Variants in UHRF2 observed in about 807,000 individuals in gnomAD.
The protein encoded by UHRF2 is ubiquitin like with PHD and ring finger domains 2.
UHRF2 carries 23 observed loss-of-function variants against 96.8 expected under a neutral mutation model. The observed-to-expected ratio is 0.24, with a 90% confidence interval of 0.17 to 0.34. The LOEUF (loss-of-function observed/expected upper bound fraction) is 0.34, where lower values mean the gene tolerates loss of function less well. Among genes scored for constraint, UHRF2 ranks in the 10% least tolerant of loss-of-function variants. The probability of loss-of-function intolerance (pLI) is 1.00; values close to 1 mark genes in which losing one functional copy is unlikely to be tolerated. For missense variants in UHRF2, 685 were observed against 981.5 expected (o/e 0.70, Z 4.04); for synonymous variants, 385 against 332.6 (o/e 1.16, Z -1.72).
chr9:6,444,648 C>G (rs538272248), intron 3 of UHRF2, among the ~76,000 whole-genome samples: 11 of 152,224 alleles, frequency 7.2e-5, no homozygotes, highest in African/African-American at 2.6e-4. Flanking sequence ...GTTGCTTAGG[C>G]TGGAGTACAA....
At chr9:6,480,743 A>G (rs1216953401) in intron 6 of UHRF2, among the ~76,000 whole-genome samples, 1 of 152,176 alleles carries the variant, frequency 6.6e-6, no homozygotes, top group Admixed American at 6.5e-5. Context: ...TGATTTCCCA[A>G]CTAGAAAGGA....
intron 3 of UHRF2, among the ~76,000 whole-genome samples, chr9:6,444,682 ACCTCCC>A (rs1299997353): frequency 1.3e-5 from 2 of 150,772 alleles, no homozygotes; most frequent in African/African-American, 4.9e-5. Context: ...GCTCACTGCA[ACCTCCC>A]CCTCCAGGGT....
chr9:6,460,519 A>T, intron 3 of UHRF2, 54 bp from the exon 4 acceptor site: 1 of 1,471,440 alleles, frequency 6.8e-7, no homozygotes, highest in Non-Finnish European at 9.2e-7. Context: ...TACATTGCAT[A>T]AAACTTTAGT....
intron 1 of UHRF2, among the ~76,000 whole-genome samples, chr9:6,416,897 C>A (rs1819642035): frequency 6.6e-6 from 1 of 152,104 alleles, no homozygotes; most frequent in Non-Finnish European, 1.5e-5. Flanking sequence ...CACTCCTTAC[C>A]ACTATAGAGG....
At chr9:6,443,719 C>T (rs1821325727) in intron 3 of UHRF2, among the ~76,000 whole-genome samples, 1 of 152,114 alleles carries the variant, frequency 6.6e-6, no homozygotes, top group African/African-American at 2.4e-5. Flanking sequence ...CAAATAGGTT[C>T]AACTGTTACT....
chr9:6,486,932 CATT>C lies in UHRF2; in HGVS notation c.1497+10_1497+12del. 2 of 1,613,250 alleles carry C rather than the reference CATT, an allele frequency of 1.2e-6. No homozygotes were observed. The highest frequency in any genetic ancestry group is 1.7e-6 in the Non-Finnish European group (2 of 1,179,436). On this transcript the variant is annotated splice_region_variant and intron_variant, in intron 9 of 15. Transcript: ENST00000276893. The stretch of plus-strand genomic sequence containing the variant: ...TGGATTTGCGGATGAAGTCGTAAGT[CATT>C]ATACAACCTTACTCATTAGTACCTG...
At chr9:6,493,984 A>G (rs758887101) in intron 10 of UHRF2, 52 bp downstream of exon 10, 1 of 1,498,544 alleles carries the variant, frequency 6.7e-7, no homozygotes, top group Non-Finnish European at 9.1e-7. Flanking sequence ...AAGTTTCATT[A>G]TAGGACTGTA....
At chr9:6,483,105 C>T (rs910822121) in intron 8 of UHRF2, among the ~76,000 whole-genome samples, 3 of 151,962 alleles carry the variant, frequency 2.0e-5, no homozygotes, top group East Asian at 1.9e-4. Flanking sequence ...GCAGCCAGAT[C>T]GCTTGAGGCC....
chr9:6,506,312 G>C lies in UHRF2; in HGVS notation c.*133G>C, dbSNP rs1453855923. Reference sequence around the variant, plus strand: ...AGCAGCTAATCCTCTTTCCCACATAGCCATCATCTTGTGTGTGTAGTAAGA... The same window carrying C: ...AGCAGCTAATCCTCTTTCCCACATACCCATCATCTTGTGTGTGTAGTAAGA... On this transcript the variant is annotated 3_prime_UTR_variant, in exon 16 of 16. Coordinates refer to ENST00000276893, the MANE Select transcript of UHRF2 (RefSeq NM_152896.3). 8.5e-7 allele frequency: 1 copy of C among 1,178,928 alleles called. No individual in the cohort carries two copies. Among genetic ancestry groups the C allele is most frequent in the Non-Finnish European group, 1.2e-6 (1 of 851,218 alleles). 73.0% of individuals were successfully genotyped at this position (1,178,928 alleles called of 1,614,324 possible). A position where few individuals can be genotyped will look rare whatever the true frequency, so the allele number is the denominator to read the frequency against.
intron 3 of UHRF2, among the ~76,000 whole-genome samples, chr9:6,444,784 G>A (rs1821388872): frequency 6.6e-6 from 1 of 152,168 alleles, no homozygotes; most frequent in South Asian, 2.1e-4. Flanking sequence ...TGTATTTTTA[G>A]TAGAGACAGG....
chr9:6,495,440 C>T (rs912440292), intron 10 of UHRF2: 1 of 152,208 alleles, frequency 6.6e-6, no homozygotes, highest in African/African-American at 2.4e-5. Context: ...GTCTTACAAA[C>T]ATGAAAACTG....
At chr9:6,414,791 C>G (rs1388164610) in intron 1 of UHRF2, among the ~76,000 whole-genome samples, 1 of 152,198 alleles carries the variant, frequency 6.6e-6, no homozygotes. Context: ...ACAAATTACA[C>G]TTTGGGAAGG....
Position 6,413,455 on chromosome 9 carries a change from G to C in UHRF2, c.-36G>C. ...GGGCGCGGCGCCCAGAGCTCAGGGG[G>C]AGACAAAGGGGACCGGTTCCTCTCT... On this transcript the variant is annotated 5_prime_UTR_variant, in exon 1 of 16. Coordinates refer to ENST00000276893, the MANE Select transcript of UHRF2 (RefSeq NM_152896.3). The C allele has an allele frequency of 2.0e-6, 3 of 1,479,182 alleles. No homozygotes were observed. Among genetic ancestry groups the C allele is most frequent in the South Asian group, 2.6e-5 (2 of 76,220 alleles). 91.6% of individuals were successfully genotyped at this position (1,479,182 alleles called of 1,614,324 possible).
At chr9:6,445,131 A>T (rs943703378) in intron 3 of UHRF2, among the ~76,000 whole-genome samples, 5 of 23,560 alleles carry the variant, frequency 2.1e-4, no homozygotes, top group Non-Finnish European at 5.6e-4. Flanking sequence ...TCTCTTATTT[A>T]AAAAAAAAAA....
Position 6,460,748 on chromosome 9 carries a change from A to G in UHRF2, c.820A>G (p.Ile274Val). 1.2e-6 allele frequency: 2 copies of G among 1,613,794 alleles called. No homozygotes were observed. Among genetic ancestry groups the G allele is most frequent in the South Asian group, 1.1e-5 (1 of 91,008 alleles). ...FDAEITTLKT[I>V]SRTKKELRVK... ...TGCAGAAATTACCACATTGAAGACAATCTCAAGGACCAAAAAAGAACTTCG... is the reference window on the plus strand; with the variant it reads ...TGCAGAAATTACCACATTGAAGACAGTCTCAAGGACCAAAAAAGAACTTCG... The change falls in exon 4 of 16, where the codon ATC (isoleucine) becomes GTC (valine). Residue 274 changes from isoleucine to valine, a missense_variant. Coordinates refer to ENST00000276893, the MANE Select transcript of UHRF2 (RefSeq NM_152896.3).
chr9:6,467,886 A>T (rs1021273180), intron 4 of UHRF2, among the ~76,000 whole-genome samples: 6 of 151,878 alleles, frequency 4.0e-5, no homozygotes, highest in Non-Finnish European at 8.8e-5. Flanking sequence ...TGAAACAAGA[A>T]TTTTTTCTAT....
intron 9 of UHRF2, among the ~76,000 whole-genome samples, chr9:6,491,802 T>C (rs1824674261): frequency 6.6e-6 from 1 of 152,248 alleles, no homozygotes; most frequent in African/African-American, 2.4e-5. Context: ...GCAGCAGAAC[T>C]TGTTTAGGCT....
At chr9:6,491,447 A>G (rs1824654639) in intron 9 of UHRF2, among the ~76,000 whole-genome samples, 1 of 152,246 alleles carries the variant, frequency 6.6e-6, no homozygotes, top group Admixed American at 6.5e-5. Flanking sequence ...ACAGTTTTGC[A>G]GGGATGTAAA....
intron 1 of UHRF2, among the ~76,000 whole-genome samples, chr9:6,416,823 G>A (rs1467916445): frequency 2.0e-5 from 3 of 152,034 alleles, no homozygotes; most frequent in Non-Finnish European, 4.4e-5. Flanking sequence ...CACCGCGCCC[G>A]GCCTAAATCT....
Sources: gnomAD v4.1 joint callset for allele counts (sites outside exome capture counted in the v4.1 genomes callset) on GRCh38, gnomAD v4.1.1 for gene constraint, MANE v1.5 for transcripts, NCBI Gene and HGNC (gene_info 2026-07-23, HGNC 2026-07-21) for gene names.